NPHP4: variants seen among roughly 807,000 people sequenced by gnomAD.
The protein encoded by NPHP4 is nephrocystin-4.
In NPHP4, 151 loss-of-function variants were observed where a neutral mutation model predicts 155.8. The observed-to-expected ratio is 0.97, with a 90% CI of 0.85 to 1.11. The LOEUF is 1.11. NPHP4 is among the 50% of genes least tolerant of loss of function. The pLI is 0.00. For missense variants in NPHP4, 1,956 were observed against 1,925.7 expected (o/e 1.02, Z -0.29); for synonymous variants, 845 against 816.8 (o/e 1.03, Z -0.59).
At position 5,969,143 on chromosome 1, in the gene NPHP4, A is replaced by C; in HGVS notation, c.396T>G (p.Ile132Met). 1 of 1,553,040 alleles carries C rather than the reference A, an allele frequency of 6.4e-7. No homozygotes were observed. Among genetic ancestry groups the C allele is most frequent in the Non-Finnish European group, 8.7e-7 (1 of 1,147,562 alleles). The change falls in exon 4 of 30, where the codon ATT becomes ATG. Residue 132 changes from isoleucine to methionine, a missense_variant. Coordinates refer to ENST00000378156, the MANE Select transcript of NPHP4 (RefSeq NM_015102.5). Reference protein sequence around the residue: ...SLQTLSCGFGILRIFSNQPDS... With the variant: ...SLQTLSCGFGMLRIFSNQPDS... ...CCGGCTGGTTGCTGAAGATCCGAAG[A>C]ATTCCAAACCCACAGGACAATGTCT...
chr1:5,982,230 T>C (rs1415151470), intron 2 of NPHP4, among the ~76,000 whole-genome samples: 1 of 152,214 alleles, frequency 6.6e-6, no homozygotes, highest in Admixed American at 6.5e-5. Context: ...TGTAACATAA[T>C]GACATTTCGA....
At chr1:5,947,525 A>C (rs542755922) in intron 8 of NPHP4, among the ~76,000 whole-genome samples, 1 of 152,286 alleles carries the variant, frequency 6.6e-6, no homozygotes, top group African/African-American at 2.4e-5. Context: ...ACGCATTTCC[A>C]AATTACCAAA....
chr1:5,947,070 C>T (rs764023674), intron 9 of NPHP4, 34 bp downstream of exon 9: 10 of 1,613,086 alleles, frequency 6.2e-6, no homozygotes, highest in African/African-American at 1.3e-5. Flanking sequence ...AGTTCACCAC[C>T]AGAGGAAACC....
chr1:5,959,488 C>T lies in NPHP4; in HGVS notation c.673+2306G>A, dbSNP rs1037731843. On this transcript the variant is annotated intron_variant, in intron 6 of 29. Coordinates refer to ENST00000378156, the MANE Select transcript of NPHP4 (RefSeq NM_015102.5). ...CCAGGCCTGTCCTCTTGGGGCACCACGGCTTCTCATTTGCAGTCCTAGTCA... is the reference window on the plus strand; with the variant it reads ...CCAGGCCTGTCCTCTTGGGGCACCATGGCTTCTCATTTGCAGTCCTAGTCA... 2.0e-5 allele frequency among the ~76,000 whole-genome samples: 3 copies of T among 152,214 alleles called. No homozygotes were observed. In the South Asian group the frequency reaches 6.2e-4, roughly 32 times the overall value.
chr1:5,978,443 G>T, intron 2 of NPHP4, 30 bp from the exon 3 acceptor site: 1 of 1,586,982 alleles, frequency 6.3e-7, no homozygotes, highest in South Asian at 1.1e-5. Context: ...TGACCCTCAA[G>T]AGTCTGAGCA....
chr1:5,981,112 G>C (rs1053532091), intron 2 of NPHP4, among the ~76,000 whole-genome samples: 1 of 152,122 alleles, frequency 6.6e-6, no homozygotes, highest in African/African-American at 2.4e-5. Flanking sequence ...GCTTCTGCAC[G>C]TGCCCCTCCT....
At chr1:5,879,461 T>C (rs1642978558) in intron 19 of NPHP4, 1 of 482,356 alleles carries the variant, frequency 2.1e-6, no homozygotes, top group Non-Finnish European at 4.0e-6. Flanking sequence ...AATTGGCTTC[T>C]TTCTTCTGTT....
At chr1:5,967,852 C>A (rs75952532) in intron 4 of NPHP4, among the ~76,000 whole-genome samples, 2 of 152,014 alleles carry the variant, frequency 1.3e-5, no homozygotes, top group Non-Finnish European at 2.9e-5. Flanking sequence ...ACAGCACAGA[C>A]GACAGCCCCG....
At chr1:5,976,835 G>A (rs1030070128) in intron 3 of NPHP4, among the ~76,000 whole-genome samples, 16 of 152,132 alleles carry the variant, frequency 1.1e-4, no homozygotes, top group Non-Finnish European at 2.4e-4. Flanking sequence ...GGTGGGGTAC[G>A]GAGAGCAACG....
intron 9 of NPHP4, among the ~76,000 whole-genome samples, chr1:5,945,265 T>C (rs1647031895): frequency 6.7e-6 from 1 of 148,718 alleles, no homozygotes; most frequent in South Asian, 2.2e-4. Flanking sequence ...CAGGACACCC[T>C]GAGGCCATTT....
chr1:5,897,031 A>G (rs1283987608), intron 16 of NPHP4, among the ~76,000 whole-genome samples: 23 of 152,138 alleles, frequency 1.5e-4, no homozygotes, highest in Admixed American at 1.5e-3. Context: ...CCGACTTCTC[A>G]CTCTGAAAAC....
intron 23 of NPHP4, among the ~76,000 whole-genome samples, chr1:5,871,485 T>G (rs1642001515): frequency 6.6e-6 from 1 of 152,206 alleles, no homozygotes; most frequent in African/African-American, 2.4e-5. Context: ...CACTTTCAAG[T>G]ACAAAGTATA....
At chr1:5,922,682 G>A (rs1051787062) in intron 11 of NPHP4, among the ~76,000 whole-genome samples, 7 of 137,490 alleles carry the variant, frequency 5.1e-5, no homozygotes, top group Admixed American at 2.1e-4. Flanking sequence ...AGCCAGGCAC[G>A]GTGGCACTGT....
At chr1:5,978,514 T>C (rs951933153) in intron 2 of NPHP4, 101 bp from the exon 3 acceptor site, 2 of 1,111,352 alleles carry the variant, frequency 1.8e-6, no homozygotes, top group South Asian at 1.4e-5. Flanking sequence ...CTCGCTCAGA[T>C]ATCAGCACGC....
chr1:5,930,792 G>T (rs180960157), intron 10 of NPHP4, among the ~76,000 whole-genome samples: 1 of 152,204 alleles, frequency 6.6e-6, no homozygotes, highest in Non-Finnish European at 1.5e-5. Context: ...CCAGTTGGTC[G>T]ATGGCGATGT....
chr1:5,905,891 T>G lies in NPHP4; in HGVS notation c.1612-108A>C. On this transcript the variant is annotated intron_variant, in intron 13 of 29. Coordinates refer to ENST00000378156, the MANE Select transcript of NPHP4 (RefSeq NM_015102.5). The surrounding 1 kb of genome is among the most constrained non-coding windows in gnomAD (Gnocchi z 4.0). ...CATCGATTAATTGCCTCTGGAGGGTTGCCAGCTCTAGCAAATACAAAAGGT... is the reference window on the plus strand; with the variant it reads ...CATCGATTAATTGCCTCTGGAGGGTGGCCAGCTCTAGCAAATACAAAAGGT... 1 of 1,040,780 alleles carries G rather than the reference T, an allele frequency of 9.6e-7. No individual in the cohort carries two copies. The highest frequency in any genetic ancestry group is 1.4e-6 in the Non-Finnish European group (1 of 720,510). 64.5% of individuals were successfully genotyped at this position (1,040,780 alleles called of 1,614,324 possible).
intron 1 of NPHP4, among the ~76,000 whole-genome samples, chr1:5,988,379 T>C (rs1212185955): frequency 5.3e-5 from 8 of 152,212 alleles, no homozygotes. Context: ...CCTTCAGCTG[T>C]CCTCTCTTAA....
intron 11 of NPHP4, among the ~76,000 whole-genome samples, chr1:5,915,735 G>A (rs1200792017): frequency 6.6e-6 from 1 of 152,168 alleles, no homozygotes; most frequent in Admixed American, 6.5e-5. Flanking sequence ...AGTTTCAGAA[G>A]TGTCACCTCC....
intron 18 of NPHP4, among the ~76,000 whole-genome samples, chr1:5,886,313 C>A (rs911088176): frequency 1.3e-5 from 2 of 152,204 alleles, no homozygotes; most frequent in Non-Finnish European, 2.9e-5. Flanking sequence ...GCCTCCAAGT[C>A]GACTTAACGA....
Sources: gnomAD v4.1 joint callset for allele counts (sites outside exome capture counted in the v4.1 genomes callset) on GRCh38, gnomAD v4.1.1 for gene constraint, Gnocchi (gnomAD v3.1) non-coding constraint, MANE v1.5 for transcripts, NCBI Gene and HGNC (gene_info 2026-07-23, HGNC 2026-07-21) for gene names.